BMPR1B: variants seen among roughly 807,000 people sequenced by gnomAD.
The protein encoded by BMPR1B is bone morphogenetic protein receptor type-1B.
A neutral mutation model predicts 59.1 loss-of-function variants in BMPR1B; 12 were observed. That is an observed-to-expected ratio of 0.20 (90% CI 0.13 to 0.33). The LOEUF is 0.33. BMPR1B is among the 10% of genes least tolerant of loss of function. The pLI is 1.00. For synonymous variants in BMPR1B, 237 were observed against 207.3 expected (o/e 1.14, Z -1.23); for missense variants, 550 against 610.9 (o/e 0.90, Z 1.05).
chr4:94,776,097 G>GA (rs200886486), intron 1 of BMPR1B, among the ~76,000 whole-genome samples: 18,982 of 138,912 alleles, frequency 0.14, 1,808 homozygotes, highest in African/African-American at 0.28. Flanking sequence ...CTCAAAAAAA[G>GA]AAAAAAAAAA....
rs903541164 is a variant in BMPR1B, at chr4:95,155,036, T to A, written c.*363T>A. ...TGTGGATGGTTTAAGGGTTATAGTA[T>A]TATAGTTTAAATAATAACAACAAAA... On this transcript the variant is annotated 3_prime_UTR_variant, in exon 13 of 13. Coordinates refer to ENST00000515059, the MANE Select transcript of BMPR1B (RefSeq NM_001203.3). The A allele has an allele frequency of 1.6e-4, 32 of 206,290 alleles. No individual in the cohort carries two copies. The highest frequency in any genetic ancestry group is 7.5e-4 in the Admixed American group (14 of 18,780). 12.8% of individuals were successfully genotyped at this position (206,290 alleles called of 1,614,324 possible).
At chr4:94,921,633 C>T (rs1467347472) in intron 2 of BMPR1B, among the ~76,000 whole-genome samples, 2 of 152,094 alleles carry the variant, frequency 1.3e-5, no homozygotes, top group Non-Finnish European at 2.9e-5. Context: ...TGGTGCTAAA[C>T]CATTCAAGAG....
rs115355266 is a variant in BMPR1B at position 94,907,560 on chromosome 4, A to G, written c.-113+31660A>G. Among the ~76,000 whole-genome samples, 623 of 152,062 alleles carry G rather than the reference A, an allele frequency of 4.1e-3. 2 individuals are homozygous for G. Among genetic ancestry groups the G allele is most frequent in the Non-Finnish European group, 6.5e-3 (442 of 67,940 alleles). On this transcript the variant is annotated intron_variant, in intron 2 of 12. Coordinates refer to ENST00000515059, the MANE Select transcript of BMPR1B (RefSeq NM_001203.3). ...CCCCTTTTGCCTCAGTAACTCGTCTATTAAGATGTAAATCAAGAAATGCCT... is the reference window on the plus strand; with the variant it reads ...CCCCTTTTGCCTCAGTAACTCGTCTGTTAAGATGTAAATCAAGAAATGCCT...
intron 3 of BMPR1B, among the ~76,000 whole-genome samples, chr4:95,009,087 T>C (rs1344537332): frequency 6.6e-6 from 1 of 152,214 alleles, no homozygotes. Flanking sequence ...ATGTATCATT[T>C]CATTTCATAC....
chr4:94,767,332 T>G (rs1046038544), intron 1 of BMPR1B, among the ~76,000 whole-genome samples: 3 of 152,234 alleles, frequency 2.0e-5, no homozygotes, highest in Admixed American at 2.0e-4. Flanking sequence ...ACATTGTCTC[T>G]AAATATTTTA....
chr4:94,777,062 T>C (rs1401018896), intron 1 of BMPR1B, among the ~76,000 whole-genome samples: 1 of 152,234 alleles, frequency 6.6e-6, no homozygotes. Context: ...CTCATTTGTA[T>C]CTATTTTCCT....
At chr4:94,918,042 A>T (rs1391625150) in intron 2 of BMPR1B, among the ~76,000 whole-genome samples, 1 of 152,038 alleles carries the variant, frequency 6.6e-6, no homozygotes, top group East Asian at 1.9e-4. Context: ...GCCATGAGTA[A>T]AAGTTCCCTG....
chr4:95,058,280 G>T (rs1420370208), intron 3 of BMPR1B, among the ~76,000 whole-genome samples: 1 of 152,148 alleles, frequency 6.6e-6, no homozygotes, highest in East Asian at 1.9e-4. Flanking sequence ...TTCTTCTGGA[G>T]TCCAGAGGAA....
At chr4:94,871,805 G>A (rs1726509718) in intron 1 of BMPR1B, among the ~76,000 whole-genome samples, 2 of 152,188 alleles carry the variant, frequency 1.3e-5, no homozygotes, top group Non-Finnish European at 1.5e-5. Flanking sequence ...TATTTTGAGT[G>A]TTGATGCATT....
At chr4:94,910,770 C>T (rs1160730937) in intron 2 of BMPR1B, among the ~76,000 whole-genome samples, 2 of 151,820 alleles carry the variant, frequency 1.3e-5, no homozygotes, top group African/African-American at 2.4e-5. Context: ...AATAATTAGC[C>T]AGGCATAGTG....
chr4:95,150,296 C>G (rs1486353419), intron 11 of BMPR1B, among the ~76,000 whole-genome samples: 1 of 152,026 alleles, frequency 6.6e-6, no homozygotes, highest in Non-Finnish European at 1.5e-5. Flanking sequence ...AAAAATTTAA[C>G]AAATTGTCTA....
At chr4:95,067,296 T>C (rs1727889292) in intron 3 of BMPR1B, among the ~76,000 whole-genome samples, 1 of 152,230 alleles carries the variant, frequency 6.6e-6, no homozygotes, top group South Asian at 2.1e-4. Context: ...CACTTTACTG[T>C]GTAATTTTTT....
At chr4:94,808,126 C>T (rs903822427) in intron 1 of BMPR1B, among the ~76,000 whole-genome samples, 10 of 152,038 alleles carry the variant, frequency 6.6e-5, no homozygotes, top group Non-Finnish European at 1.5e-4. Flanking sequence ...TAAATGGATA[C>T]CAGATTTGTT....
intron 3 of BMPR1B, among the ~76,000 whole-genome samples, chr4:95,000,498 C>G (rs1414637866): frequency 1.4e-5 from 2 of 144,988 alleles, no homozygotes; most frequent in African/African-American, 5.4e-5. Flanking sequence ...GAGCAAGACT[C>G]CATATCGAAA....
In BMPR1B at chr4:95,125,063, T is replaced by TGAGAGA; in HGVS notation, c.528_533dup (p.Arg177_Asp178insGluArg). 1 of 1,613,844 alleles carries TGAGAGA rather than the reference T, an allele frequency of 6.2e-7. No individual in the cohort carries two copies. The highest frequency in any genetic ancestry group is 8.5e-7 in the Non-Finnish European group (1 of 1,179,806). ...ACTTACATTCCTCCTGGAGAATCCC[T>TGAGAGA]GAGAGACTTAATTGAGCAGTCTCAG... On this transcript the variant is annotated inframe_insertion, in exon 8 of 13. Coordinates refer to ENST00000515059, the MANE Select transcript of BMPR1B (RefSeq NM_001203.3).
At position 94,992,882 on chromosome 4, in the gene BMPR1B, CTT is replaced by C. The variant is rs35942593; in HGVS notation, c.-112-3150_-112-3149del. On this transcript the variant is annotated intron_variant, in intron 2 of 12. Coordinates refer to ENST00000515059, the MANE Select transcript of BMPR1B (RefSeq NM_001203.3). ...TAGTTAGAATCATAAAGTATGTAAT[CTT>C]TTTTTTTCCCCCTAAAGAGATGGGG... Among the ~76,000 whole-genome samples the C allele has an allele frequency of 1.2e-4, 18 of 151,158 alleles. No homozygotes were observed. In the South Asian group the frequency reaches 3.1e-3, roughly 26 times the overall value.
At chr4:95,082,267 T>G (rs893857596) in intron 3 of BMPR1B, among the ~76,000 whole-genome samples, 2 of 151,568 alleles carry the variant, frequency 1.3e-5, no homozygotes, top group Non-Finnish European at 2.9e-5. Context: ...CACAGAAAAT[T>G]TGGTATCCTC....
At chr4:95,018,674 T>C (rs552111617) in intron 3 of BMPR1B, among the ~76,000 whole-genome samples, 2 of 152,336 alleles carry the variant, frequency 1.3e-5, no homozygotes, top group South Asian at 4.1e-4. Context: ...TTTGGAATTA[T>C]TATTTCACAC....
intron 6 of BMPR1B, among the ~76,000 whole-genome samples, chr4:95,120,078 G>A (rs1732363002): frequency 6.6e-6 from 1 of 152,032 alleles, no homozygotes; most frequent in Admixed American, 6.6e-5. Flanking sequence ...GTCCATGTGT[G>A]CTCAGTGTTT....
Sources: allele counts gnomAD v4.1 joint callset (sites outside exome capture counted in the v4.1 genomes callset), GRCh38; gene constraint gnomAD v4.1.1; transcripts MANE v1.5; gene names NCBI Gene and HGNC (gene_info 2026-07-23, HGNC 2026-07-21).